Variants in FGF5 observed in about 807,000 individuals in gnomAD.
FGF5 encodes the protein fibroblast growth factor 5.
In FGF5, 23 loss-of-function variants were observed where a neutral mutation model predicts 21.8. That is an observed-to-expected ratio of 1.05 (90% CI 0.76 to 1.49). FGF5 has a LOEUF of 1.49. Ranked by LOEUF, FGF5 falls within the 40% of genes most tolerant of loss-of-function variation. The pLI is 0.00. For missense variants in FGF5, 352 were observed against 332.9 expected, an observed-to-expected ratio of 1.06 and a Z score of -0.45; for synonymous variants, 158 against 124.0, an observed-to-expected ratio of 1.27 and a Z score of -1.82.
Position 80,290,563 on chromosome 4 carries a change from G to A in FGF5, c.*3891G>A, listed in dbSNP as rs35677539. ...AAATTTTATTATTATTATACTTCAA[G>A]TTCTAGGGTACATGTCCACAATGCA... is the stretch of plus-strand genomic sequence containing the variant. On this transcript the variant is annotated 3_prime_UTR_variant, in exon 3 of 3. Transcript: ENST00000312465. 1.7e-4 allele frequency: 26 copies of A among 151,984 alleles called. No individual in the cohort carries two copies. Among genetic ancestry groups the A allele is most frequent in the African/African-American group, 6.0e-4 (25 of 41,444 alleles). 9.4% of individuals were successfully genotyped at this position (151,984 alleles called of 1,614,324 possible). A position where few individuals can be genotyped will look rare whatever the true frequency, so the allele number is the denominator to read the frequency against.
Position 80,276,285 on chromosome 4 carries a change from A to G in FGF5, c.459+1273A>G, listed in dbSNP as rs926333492. On this transcript the variant is annotated intron_variant, in intron 2 of 2. Transcript: ENST00000312465. ...TAATAAATTACTAAAATTTCAGTTT[A>G]CTAACATAAATGGAAATCCTTTGTT... is the stretch of plus-strand genomic sequence containing the variant. 2.6e-4 allele frequency among the ~76,000 whole-genome samples: 40 copies of G among 152,052 alleles called. 1 individual carries two copies. Among genetic ancestry groups the G allele is most frequent in the Non-Finnish European group, 8.8e-5 (6 of 67,970 alleles).
At position 80,267,817 on chromosome 4, in the gene FGF5, T is replaced by A. The variant is rs558388656; in HGVS notation, c.355+638T>A. The stretch of plus-strand genomic sequence containing the variant: ...GGGGACACCAGACAGACATTCCTGC[T>A]TGGAAGAAGATTGTGCTCTAGAAAA... On this transcript the variant is annotated intron_variant, in intron 1 of 2. Transcript: ENST00000312465. 5.3e-5 allele frequency among the ~76,000 whole-genome samples: 8 copies of A among 151,162 alleles called. No homozygotes were observed. In the East Asian group the frequency reaches 9.7e-4, roughly 18 times the overall value.
intron 1 of FGF5, among the ~76,000 whole-genome samples, chr4:80,272,942 A>T (rs1250899221): frequency 1.3e-5 from 2 of 152,098 alleles, no homozygotes; most frequent in African/African-American, 4.8e-5. Context: ...TTCCAATAGA[A>T]ATTTAACTTT....
At chr4:80,268,820 A>T (rs1720189532) in intron 1 of FGF5, among the ~76,000 whole-genome samples, 1 of 152,150 alleles carries the variant, frequency 6.6e-6, no homozygotes, top group Non-Finnish European at 1.5e-5. Flanking sequence ...AGAGGAATCT[A>T]TTTCCATATT....
intron 1 of FGF5, among the ~76,000 whole-genome samples, chr4:80,267,733 G>GTAGATAGATAGATAGATAGA (rs3839148): frequency 0.068 from 10,204 of 151,018 alleles, 403 homozygotes; most frequent in Middle Eastern, 0.099. Context: ...ATACACATAG[G>GTAGATAGATAGATAGATAGA]TAGATAGATA....
rs528752549 is a variant in FGF5 at position 80,287,570 on chromosome 4, T to C, written c.*898T>C. 1.3e-5 allele frequency: 2 copies of C among 152,192 alleles called. No individual in the cohort carries two copies. Among genetic ancestry groups the C allele is most frequent in the Non-Finnish European group, 2.9e-5 (2 of 68,036 alleles). The allele number at this position is 152,192 out of a possible 1,614,324, so 9.4% of individuals were successfully genotyped here. The stretch of plus-strand genomic sequence containing the variant: ...TGTCTTGCCTTCATTTCTCTTTTTA[T>C]CTCCCCCTTGCCCTCATTCTTGAAC... On this transcript the variant is annotated 3_prime_UTR_variant, in exon 3 of 3. Transcript: ENST00000312465.
chr4:80,274,889 TG>T lies in FGF5; in HGVS notation c.356-17del, dbSNP rs1387703676. 2.8e-6 allele frequency: 3 copies of T among 1,053,902 alleles called. No individual in the cohort carries two copies. Among genetic ancestry groups the T allele is most frequent in the Non-Finnish European group, 4.4e-6 (3 of 680,628 alleles). 65.3% of individuals were successfully genotyped at this position (1,053,902 alleles called of 1,614,324 possible). A position where few individuals can be genotyped will look rare whatever the true frequency, so the allele number is the denominator to read the frequency against. The stretch of plus-strand genomic sequence containing the variant: ...ATAAATAAGAGCCTGTGTTTTATTT[TG>T]GGATTTCTGTCATCCTAGGTGTTTT... On this transcript the variant is annotated intron_variant, in intron 1 of 2. Coordinates refer to ENST00000312465, the MANE Select transcript of FGF5 (RefSeq NM_004464.4).
rs1720772353 is a variant in FGF5 at position 80,287,541 on chromosome 4, A to AG, written c.*870dup. 6.6e-6 allele frequency: 1 copy of AG among 152,308 alleles called. No individual in the cohort carries two copies. The highest frequency in any genetic ancestry group is 2.4e-5 in the African/African-American group (1 of 41,574). 9.4% of individuals were successfully genotyped at this position (152,308 alleles called of 1,614,324 possible). On this transcript the variant is annotated 3_prime_UTR_variant, in exon 3 of 3. Coordinates refer to ENST00000312465, the MANE Select transcript of FGF5 (RefSeq NM_004464.4). ...AGTTTGCAACATTTATTGAGATCTA[A>AG]GTCTGTCTTGCCTTCATTTCTCTTT...
chr4:80,284,996 T>C (rs1361078590), intron 2 of FGF5, among the ~76,000 whole-genome samples: 1 of 152,192 alleles, frequency 6.6e-6, no homozygotes, highest in Admixed American at 6.5e-5. Flanking sequence ...CTGGTAGTCT[T>C]AACTAGTACA....
chr4:80,286,248 T>C (rs938817929), intron 2 of FGF5, 77 bp from the exon 3 acceptor site: 58 of 974,312 alleles, frequency 6.0e-5, no homozygotes, highest in African/African-American at 1.3e-4. Flanking sequence ...TGTTTTTTTT[T>C]CTACAATACC....
chr4:80,282,829 G>GTATA (rs1720594958), intron 2 of FGF5, among the ~76,000 whole-genome samples: 1 of 151,828 alleles, frequency 6.6e-6, no homozygotes, highest in African/African-American at 2.4e-5. Flanking sequence ...TTTTAAAAGT[G>GTATA]TATATTTTAT....
At position 80,287,721 on chromosome 4, in the gene FGF5, G is replaced by T. The variant is rs1387330741; in HGVS notation, c.*1049G>T. 1 of 152,128 alleles carries T rather than the reference G, an allele frequency of 6.6e-6. No individual in the cohort carries two copies. The highest frequency in any genetic ancestry group is 2.4e-5 in the African/African-American group (1 of 41,428). The allele number at this position is 152,128 out of a possible 1,614,324, so 9.4% of individuals were successfully genotyped here. A position where few individuals can be genotyped will look rare whatever the true frequency, so the allele number is the denominator to read the frequency against. Reference sequence around the variant, plus strand: ...CCACAGGGAGCAAACACTTAGAAATGATAGAGAACTGAAGGAGATCAATGG... The same window carrying T: ...CCACAGGGAGCAAACACTTAGAAATTATAGAGAACTGAAGGAGATCAATGG... On this transcript the variant is annotated 3_prime_UTR_variant, in exon 3 of 3. Transcript: ENST00000312465.
At position 80,288,108 on chromosome 4, in the gene FGF5, G is replaced by C. The variant is rs1280972652; in HGVS notation, c.*1436G>C. 6.6e-6 allele frequency: 1 copy of C among 152,046 alleles called. No individual in the cohort carries two copies. The highest frequency in any genetic ancestry group is 6.6e-5 in the Admixed American group (1 of 15,238). The allele number at this position is 152,046 out of a possible 1,614,324, so 9.4% of individuals were successfully genotyped here. A position where few individuals can be genotyped will look rare whatever the true frequency, so the allele number is the denominator to read the frequency against. ...TGTGGCAAAAAAGGCATAGCTAAAG[G>C]CTAAACATATGGCTTTAGTAGTAAC... On this transcript the variant is annotated 3_prime_UTR_variant, in exon 3 of 3. Coordinates refer to ENST00000312465, the MANE Select transcript of FGF5 (RefSeq NM_004464.4).
At chr4:80,281,277 A>T (rs1720546033) in intron 2 of FGF5, among the ~76,000 whole-genome samples, 1 of 152,124 alleles carries the variant, frequency 6.6e-6, no homozygotes, top group Non-Finnish European at 1.5e-5. Context: ...GGTGGAGGGA[A>T]GGGATGGGAA....
rs1720721501 is a variant in FGF5 at position 80,286,418 on chromosome 4, G to A, written c.553G>A (p.Gly185Arg). The A allele has an allele frequency of 2.5e-6, 4 of 1,613,940 alleles. No homozygotes were observed. Among genetic ancestry groups the A allele is most frequent in the East Asian group, 4.5e-5 (2 of 44,876 alleles). Residue 185 changes from glycine to arginine, a missense_variant, in exon 3 of 3, where the codon GGG (glycine) becomes AGG (arginine). Coordinates refer to ENST00000312465, the MANE Select transcript of FGF5 (RefSeq NM_004464.4). ...ASAIHRTEKT[G>R]REWYVALNKR... is the part of the protein sequence containing the mutation. ...AGCAATACATAGAACTGAAAAAACA[G>A]GGCGGGAGTGGTATGTGGCCCTGAA... is the stretch of plus-strand genomic sequence containing the variant.
chr4:80,285,239 C>G (rs950786316), intron 2 of FGF5, among the ~76,000 whole-genome samples: 1 of 152,190 alleles, frequency 6.6e-6, no homozygotes, highest in Non-Finnish European at 1.5e-5. Context: ...GCAAACTAAG[C>G]TCTTTCAGAG....
At position 80,266,770 on chromosome 4, in the gene FGF5, A is replaced by G; in HGVS notation, c.-55A>G. ...AGAGGCACGCAGCCGCACAGGGGCT[A>G]CAGAGCCCAGAATCAGCCCTACAAG... On this transcript the variant is annotated 5_prime_UTR_variant, in exon 1 of 3. Transcript: ENST00000312465. The G allele has an allele frequency of 7.1e-7, 1 of 1,415,772 alleles. No homozygotes were observed. The highest frequency in any genetic ancestry group is 9.5e-7 in the Non-Finnish European group (1 of 1,047,848). 87.7% of individuals were successfully genotyped at this position (1,415,772 alleles called of 1,614,324 possible).
intron 2 of FGF5, among the ~76,000 whole-genome samples, chr4:80,280,605 G>A (rs2109926130): frequency 6.6e-6 from 1 of 152,210 alleles, no homozygotes; most frequent in African/African-American, 2.4e-5. Context: ...GGTGATAGAT[G>A]GATCATTTTC....
Position 80,266,756 on chromosome 4 carries a change from G to T in FGF5, c.-69G>T. The T allele has an allele frequency of 2.2e-6, 3 of 1,344,628 alleles. No individual in the cohort carries two copies. Among genetic ancestry groups the T allele is most frequent in the Non-Finnish European group, 3.0e-6 (3 of 988,738 alleles). 83.3% of individuals were successfully genotyped at this position (1,344,628 alleles called of 1,614,324 possible). On this transcript the variant is annotated 5_prime_UTR_variant, in exon 1 of 3. Coordinates refer to ENST00000312465, the MANE Select transcript of FGF5 (RefSeq NM_004464.4). ...AGGCGGGCAGAGCCAGAGGCACGCA[G>T]CCGCACAGGGGCTACAGAGCCCAGA...
Sources: gnomAD v4.1 joint callset for allele counts (sites outside exome capture counted in the v4.1 genomes callset) on GRCh38, gnomAD v4.1.1 for gene constraint, MANE v1.5 for transcripts, NCBI Gene and HGNC (gene_info 2026-07-23, HGNC 2026-07-21) for gene names.